The following SPATA13 variants were observed in gnomAD, a reference collection of about 807,000 sequenced individuals.
SPATA13 encodes spermatogenesis-associated protein 13.
A neutral mutation model predicts 104.0 loss-of-function variants in SPATA13; 50 were observed. That is an observed-to-expected ratio of 0.48 (90% CI 0.38 to 0.61). The LOEUF (loss-of-function observed/expected upper bound fraction) is 0.61. Among genes scored for constraint, SPATA13 ranks in the 20% least tolerant of loss-of-function variants. SPATA13 has a pLI of 0.00. For missense variants in SPATA13, 1,524 were observed against 1,690.6 expected (o/e 0.90, Z 1.73); for synonymous variants, 606 against 667.5 (o/e 0.91, Z 1.42).
At chr13:24,043,673 A>AT (rs34553109) in intron 3 of SPATA13, among the ~76,000 whole-genome samples, 2 of 151,744 alleles carry the variant, frequency 1.3e-5, no homozygotes, top group Non-Finnish European at 2.9e-5. Flanking sequence ...CTTTGAGGGA[A>AT]TTTTTTTTTG....
At position 24,017,320 on chromosome 13, in the gene SPATA13, G is replaced by A. The variant is rs576085159; in HGVS notation, c.-146-347G>A. 1.1e-3 allele frequency among the ~76,000 whole-genome samples: 173 copies of A among 152,214 alleles called. 3 individuals carry two copies. The highest frequency in any genetic ancestry group is 3.7e-3 in the African/African-American group (155 of 41,520). On this transcript the variant is annotated intron_variant, in intron 2 of 14. Coordinates refer to the SPATA13 transcript ENST00000424834. The stretch of plus-strand genomic sequence containing the variant: ...CGTGCAGCAAGTGAGTGGTGGACCC[G>A]AACCAGAACCTACGTAAGCCCACGT...
chr13:24,238,210 G>A (rs915250952), intron 2 of SPATA13, among the ~76,000 whole-genome samples: 1 of 94,308 alleles, frequency 1.1e-5, no homozygotes, highest in Non-Finnish European at 2.2e-5. Context: ...AGACTGGAGT[G>A]CAGTGGCATA....
chr13:24,209,523 GTC>G (rs1229643964), intron 1 of SPATA13, among the ~76,000 whole-genome samples: 2 of 152,152 alleles, frequency 1.3e-5, no homozygotes, highest in Non-Finnish European at 2.9e-5. Flanking sequence ...TGTGGTATTT[GTC>G]TCTCTGTGCC....
intron 2 of SPATA13, among the ~76,000 whole-genome samples, chr13:24,248,686 G>A (rs1210515798): frequency 1.3e-5 from 2 of 152,126 alleles, no homozygotes; most frequent in African/African-American, 4.8e-5. Flanking sequence ...GAGGCTGCTC[G>A]AGTGTTGGGT....
At chr13:24,076,234 A>T (rs2137772158) in intron 3 of SPATA13, among the ~76,000 whole-genome samples, 2 of 152,306 alleles carry the variant, frequency 1.3e-5, no homozygotes, top group South Asian at 4.1e-4. Flanking sequence ...CCACAGGTGC[A>T]GTTCTTAAAA....
At chr13:24,090,439 A>C (rs982501655) in intron 3 of SPATA13, among the ~76,000 whole-genome samples, 2 of 152,124 alleles carry the variant, frequency 1.3e-5, no homozygotes, top group African/African-American at 4.8e-5. Context: ...AAGGTTAACT[A>C]TCTTCCCCAC....
intron 3 of SPATA13, among the ~76,000 whole-genome samples, chr13:24,115,690 G>A (rs566702792): frequency 6.6e-6 from 1 of 152,226 alleles, no homozygotes; most frequent in Non-Finnish European, 1.5e-5. Flanking sequence ...CAGTGTCAGA[G>A]GGTCGGGAAC....
intron 3 of SPATA13, among the ~76,000 whole-genome samples, chr13:24,111,934 C>G (rs924438014): frequency 6.6e-6 from 1 of 152,184 alleles, no homozygotes; most frequent in Non-Finnish European, 1.5e-5. Context: ...GTTATACTGC[C>G]TCTGTCCAAT....
chr13:24,201,031 TCACACACACACA>T lies in SPATA13; in HGVS notation c.-111-21763_-111-21752del, dbSNP rs10529866. On this transcript the variant is annotated intron_variant, in intron 1 of 12. Transcript: ENST00000382108. The stretch of plus-strand genomic sequence containing the variant: ...GTGAATTTTAAATTCAGCTAGTCAG[TCACACACACACA>T]CACACACACACACACACACACACAG... Among the ~76,000 whole-genome samples, 367 of 150,410 alleles carry T rather than the reference TCACACACACACA, an allele frequency of 2.4e-3. 4 individuals carry two copies. Among genetic ancestry groups the T allele is most frequent in the African/African-American group, 8.4e-3 (342 of 40,582 alleles).
intron 3 of SPATA13, among the ~76,000 whole-genome samples, chr13:24,107,616 C>G (rs9580872): frequency 0.093 from 14,087 of 152,270 alleles, 1,265 homozygotes; most frequent in African/African-American, 0.23. Context: ...ATTTATATGT[C>G]TGTGAATTCC....
intron 3 of SPATA13, among the ~76,000 whole-genome samples, chr13:24,079,544 A>C (rs1356002693): frequency 6.6e-6 from 1 of 152,148 alleles, no homozygotes; most frequent in Non-Finnish European, 1.5e-5. Flanking sequence ...GTTTCAGCTG[A>C]TGATCCCGAC....
intron 2 of SPATA13, among the ~76,000 whole-genome samples, chr13:24,012,042 G>A (rs1001623816): frequency 2.0e-5 from 3 of 152,260 alleles, no homozygotes; most frequent in African/African-American, 7.2e-5. Context: ...GATGAAGGCA[G>A]TGGTTTCTTG....
At chr13:24,037,557 A>G (rs866752799) in intron 3 of SPATA13, among the ~76,000 whole-genome samples, 2 of 150,906 alleles carry the variant, frequency 1.3e-5, no homozygotes, top group Non-Finnish European at 1.5e-5. Context: ...ACAGGTGTGC[A>G]CACCACCACA....
chr13:23,984,945 G>A (rs531042726), intron 2 of SPATA13, among the ~76,000 whole-genome samples: 11 of 152,294 alleles, frequency 7.2e-5, no homozygotes, highest in East Asian at 1.9e-4. Flanking sequence ...GTAACCGGCC[G>A]GCGTGCACAT....
chr13:24,115,900 C>G (rs1033096436), intron 3 of SPATA13, among the ~76,000 whole-genome samples: 6 of 152,230 alleles, frequency 3.9e-5, no homozygotes, highest in Admixed American at 1.3e-4. Context: ...CTCTCCTGAG[C>G]ACAGTTTTCC....
At chr13:24,045,015 G>C (rs7326642) in intron 3 of SPATA13, among the ~76,000 whole-genome samples, 8,615 of 152,144 alleles carry the variant, frequency 0.057, 329 homozygotes, top group South Asian at 0.12. Context: ...TTATTCTTTC[G>C]TGTTTCCCTT....
chr13:24,209,171 G>A (rs897660964), intron 1 of SPATA13, among the ~76,000 whole-genome samples: 2 of 152,100 alleles, frequency 1.3e-5, no homozygotes, highest in African/African-American at 2.4e-5. Flanking sequence ...AGGACAAGCC[G>A]ATTTCAGGAA....
Position 24,064,340 on chromosome 13 carries a change from A to G in SPATA13, c.-112+46639A>G, listed in dbSNP as rs529710064. Among the ~76,000 whole-genome samples, 119 of 152,314 alleles carry G rather than the reference A, an allele frequency of 7.8e-4. 1 individual carries two copies. The highest frequency in any genetic ancestry group is 2.7e-3 in the African/African-American group (114 of 41,568). ...ATTTAAATGAAGTACAATTAAATCA[A>G]TGGGAGAGCAGTAACCTCACAGTGG... On this transcript the variant is annotated intron_variant, in intron 3 of 14. Transcript: ENST00000424834.
At chr13:24,300,697 C>A (rs1877121412) in intron 12 of SPATA13, 2 of 543,876 alleles carry the variant, frequency 3.7e-6, no homozygotes, top group South Asian at 2.2e-5. Context: ...GCATAGGAAA[C>A]CTTCAGAGGG....
Sources: gnomAD v4.1 joint callset for allele counts (sites outside exome capture counted in the v4.1 genomes callset) on GRCh38, gnomAD v4.1.1 for gene constraint, MANE v1.5 for transcripts, NCBI Gene and HGNC (gene_info 2026-07-23, HGNC 2026-07-21) for gene names.